PPP1R12A: variants seen among roughly 807,000 people sequenced by gnomAD.
PPP1R12A encodes the protein protein phosphatase 1 regulatory subunit 12A.
A neutral mutation model predicts 139.6 loss-of-function variants in PPP1R12A; 19 were observed. The ratio of observed to expected loss-of-function variants is 0.14; its 90% CI spans 0.09 to 0.20. The LOEUF is 0.20. PPP1R12A is among the 10% of genes least tolerant of loss of function. The pLI, the probability that PPP1R12A is intolerant of heterozygous loss-of-function variation, is 1.00. For synonymous variants in PPP1R12A, 427 were observed against 420.6 expected, an observed-to-expected ratio of 1.02 and a Z score of -0.19; for missense variants, 925 against 1,211.5, an observed-to-expected ratio of 0.76 and a Z score of 3.51.
chr12:79,809,645 A>G (rs1384969197), intron 10 of PPP1R12A, 150 bp downstream of exon 10: 4 of 627,980 alleles, frequency 6.4e-6, no homozygotes, highest in East Asian at 2.8e-5. Flanking sequence ...ATAATTCTGT[A>G]TAAATTACAT....
At chr12:79,899,697 T>C (rs1227311215) in intron 1 of PPP1R12A, among the ~76,000 whole-genome samples, 1 of 152,178 alleles carries the variant, frequency 6.6e-6, no homozygotes, top group African/African-American at 2.4e-5. Context: ...GAATAAGTCT[T>C]CTTAGAACGT....
chr12:79,805,806 G>A, intron 13 of PPP1R12A, 38 bp from the exon 14 acceptor site: 1 of 1,562,798 alleles, frequency 6.4e-7, no homozygotes, highest in Non-Finnish European at 8.7e-7. Context: ...AAAGAGAAAA[G>A]GAAAACAGCT....
At chr12:79,830,194 T>C (rs1255124592) in intron 4 of PPP1R12A, among the ~76,000 whole-genome samples, 2 of 152,050 alleles carry the variant, frequency 1.3e-5, no homozygotes, top group African/African-American at 2.4e-5. Context: ...AAAATAACCA[T>C]ACTATTAATT....
intron 1 of PPP1R12A, among the ~76,000 whole-genome samples, chr12:79,910,832 C>G (rs1886507048): frequency 6.6e-6 from 1 of 152,230 alleles, no homozygotes; most frequent in Admixed American, 6.5e-5. Flanking sequence ...GTTAGTATTA[C>G]TGATTTGAAA....
intron 14 of PPP1R12A, among the ~76,000 whole-genome samples, chr12:79,800,251 G>GT (rs1872953139): frequency 6.6e-6 from 1 of 152,080 alleles, no homozygotes; most frequent in Non-Finnish European, 1.5e-5. Flanking sequence ...AAGTGTGCCT[G>GT]CCTCTTCTGC....
At chr12:79,875,646 A>G (rs1259054168) in intron 1 of PPP1R12A, among the ~76,000 whole-genome samples, 1 of 152,218 alleles carries the variant, frequency 6.6e-6, no homozygotes, top group Non-Finnish European at 1.5e-5. Context: ...GTTTATTGCC[A>G]AAAGATCTTT....
At chr12:79,892,173 T>A (rs1884711160) in intron 1 of PPP1R12A, among the ~76,000 whole-genome samples, 1 of 152,176 alleles carries the variant, frequency 6.6e-6, no homozygotes, top group South Asian at 2.1e-4. Context: ...ACTTATAATA[T>A]CTGTCTTTTC....
At chr12:79,872,757 C>G (rs1012103662) in intron 2 of PPP1R12A, 51 bp downstream of exon 2, 20 of 1,563,012 alleles carry the variant, frequency 1.3e-5, no homozygotes, top group Non-Finnish European at 1.5e-5. Flanking sequence ...AATAAACATT[C>G]AGGTCTGTCA....
chr12:79,779,655 C>T (rs556604869), intron 23 of PPP1R12A: 2 of 286,404 alleles, frequency 7.0e-6, no homozygotes, highest in South Asian at 6.9e-5. Context: ...CAAATCATCA[C>T]ACTTCTCAAA....
intron 3 of PPP1R12A, among the ~76,000 whole-genome samples, chr12:79,841,596 C>A (rs1169384633): frequency 1.3e-5 from 2 of 152,102 alleles, no homozygotes; most frequent in African/African-American, 2.4e-5. Flanking sequence ...AGAAGGAAAC[C>A]AAATGCAAGA....
At chr12:79,843,811 C>T (rs1194415762) in intron 3 of PPP1R12A, among the ~76,000 whole-genome samples, 1 of 151,438 alleles carries the variant, frequency 6.6e-6, no homozygotes, top group South Asian at 2.1e-4. Context: ...TCAAGCAATT[C>T]TCCTGCCCTC....
Position 79,921,161 on chromosome 12 carries a change from A to AT in PPP1R12A, c.237+13533dup, listed in dbSNP as rs539949775. ...ATGTTAAATGAATATACAAAAGATG[A>AT]TTTTTTTTTAGGTGTGTGCATGGTA... On this transcript the variant is annotated intron_variant, in intron 1 of 24. Coordinates refer to ENST00000450142, the MANE Select transcript of PPP1R12A (RefSeq NM_002480.3). Among the ~76,000 whole-genome samples the AT allele has an allele frequency of 4.8e-3, 732 of 151,642 alleles. 6 individuals are homozygous for AT. Among genetic ancestry groups the AT allele is most frequent in the African/African-American group, 0.017 (686 of 41,374 alleles).
chr12:79,830,340 A>G (rs896539224), intron 4 of PPP1R12A, among the ~76,000 whole-genome samples: 1 of 152,184 alleles, frequency 6.6e-6, no homozygotes, highest in Non-Finnish European at 1.5e-5. Flanking sequence ...TGTTCTTTCT[A>G]TAACAGTATG....
intron 2 of PPP1R12A, among the ~76,000 whole-genome samples, chr12:79,867,958 A>G (rs1882161825): frequency 6.6e-6 from 1 of 152,180 alleles, no homozygotes; most frequent in Non-Finnish European, 1.5e-5. Flanking sequence ...AGTCAATTAA[A>G]TCTTGTTCCT....
At chr12:79,918,742 T>C (rs1209748168) in intron 1 of PPP1R12A, among the ~76,000 whole-genome samples, 4 of 152,198 alleles carry the variant, frequency 2.6e-5, no homozygotes, top group African/African-American at 9.6e-5. Context: ...TGTCCTCTCT[T>C]TTCAGTGCCT....
chr12:79,839,341 C>T, intron 3 of PPP1R12A, among the ~76,000 whole-genome samples: 1 of 152,104 alleles, frequency 6.6e-6, no homozygotes, highest in Non-Finnish European at 1.5e-5. Context: ...TACCTTGCCT[C>T]AGATGAGACT....
chr12:79,797,157 T>A, intron 16 of PPP1R12A, 38 bp downstream of exon 16: 1 of 1,498,820 alleles, frequency 6.7e-7, no homozygotes, highest in Non-Finnish European at 9.1e-7. Context: ...GGACTATTCA[T>A]ACCATTTGAC....
At chr12:79,801,987 T>C (rs936632809) in intron 14 of PPP1R12A, among the ~76,000 whole-genome samples, 1 of 152,170 alleles carries the variant, frequency 6.6e-6, no homozygotes, top group African/African-American at 2.4e-5. Context: ...GATACTATGT[T>C]TTTATAATTA....
intron 3 of PPP1R12A, among the ~76,000 whole-genome samples, chr12:79,833,671 A>T (rs1300874299): frequency 3.0e-3 from 5 of 1,646 alleles, no homozygotes; most frequent in African/African-American, 0.014. Context: ...CTAAAAATAC[A>T]AAAAAAAAAA....
Sources: gnomAD v4.1 joint callset for allele counts (sites outside exome capture counted in the v4.1 genomes callset) on GRCh38, gnomAD v4.1.1 for gene constraint, MANE v1.5 for transcripts, NCBI Gene and HGNC (gene_info 2026-07-23, HGNC 2026-07-21) for gene names.